The following SLC38A10 variants were observed in gnomAD, a reference collection of about 807,000 sequenced individuals.
SLC38A10 encodes solute carrier family 38 member 10.
A neutral mutation model predicts 81.0 loss-of-function variants in SLC38A10; 53 were observed. The ratio of observed to expected loss-of-function variants is 0.65; its 90% confidence interval spans 0.53 to 0.82. The LOEUF (loss-of-function observed/expected upper bound fraction) is 0.82. SLC38A10 is among the 40% of genes least tolerant of loss of function. The probability of loss-of-function intolerance (pLI) is 0.00; values close to 1 mark genes in which losing one functional copy is unlikely to be tolerated. For synonymous variants in SLC38A10, 665 were observed against 655.3 expected (o/e 1.01, Z -0.23); for missense variants, 1,471 against 1,545.0 (o/e 0.95, Z 0.80).
rs2063337973 is a variant in SLC38A10, at chr17:81,295,061, C to T, written c.-140G>A. The T allele has an allele frequency of 1.5e-6, 2 of 1,304,844 alleles. No individual in the cohort carries two copies. The highest frequency in any genetic ancestry group is 2.0e-6 in the Non-Finnish European group (2 of 1,022,988). The allele number at this position is 1,304,844 out of a possible 1,614,324, so 80.8% of individuals were successfully genotyped here. On this transcript the variant is annotated 5_prime_UTR_variant, in exon 1 of 16. In the 5' UTR this introduces an upstream ATG that the reference lacks. Transcript: ENST00000374759. ...GGGGAGGGGATGGGCAGCCTGAACA[C>T]GGGAGCCTGAGCAGGCGCGGGCGCG...
Position 81,244,994 on chromosome 17 carries a change from C to T in SLC38A10, c.*562G>A, listed in dbSNP as rs562656862. 1.9e-5 allele frequency: 3 copies of T among 158,702 alleles called. No homozygotes were observed. The highest frequency in any genetic ancestry group is 1.8e-4 in the East Asian group (1 of 5,666). The allele number at this position is 158,702 out of a possible 1,614,324, so 9.8% of individuals were successfully genotyped here. Reference sequence around the variant, plus strand: ...TTCCTGGACACCAAACAGCATCCACCGAGGCTGGGTGAAGGCAAAAGTGTT... The same window carrying T: ...TTCCTGGACACCAAACAGCATCCACTGAGGCTGGGTGAAGGCAAAAGTGTT... On this transcript the variant is annotated 3_prime_UTR_variant, in exon 16 of 16. Coordinates refer to ENST00000374759, the MANE Select transcript of SLC38A10 (RefSeq NM_001037984.3).
In SLC38A10 at chr17:81,288,331, G is replaced by C. The variant is rs1381714600; in HGVS notation, c.217+1360C>G. ...GCGGGAGCTGTGAGCCCGGGGGGCAGGATGGCCTTCTGCAGGGAGGACCTA... is the reference window on the plus strand; with the variant it reads ...GCGGGAGCTGTGAGCCCGGGGGGCACGATGGCCTTCTGCAGGGAGGACCTA... On this transcript the variant is annotated intron_variant, in intron 2 of 15. Transcript: ENST00000374759. The surrounding 1 kb of genome is among the most constrained non-coding windows in gnomAD (Gnocchi z 5.4). Among the ~76,000 whole-genome samples the C allele has an allele frequency of 6.6e-6, 1 of 152,248 alleles. No individual in the cohort carries two copies. The highest frequency in any genetic ancestry group is 2.4e-5 in the African/African-American group (1 of 41,462).
chr17:81,293,757 C>T (rs61427278), intron 1 of SLC38A10, among the ~76,000 whole-genome samples: 12,069 of 152,234 alleles, frequency 0.079, 657 homozygotes, highest in African/African-American at 0.13. Flanking sequence ...CTAAGCTAAT[C>T]TAAAATTAAA....
Position 81,254,779 on chromosome 17 carries a change from G to A in SLC38A10, c.1289-1539C>T, listed in dbSNP as rs146652584. ...CAATTCTATAAGCGTATGGCCACCC[G>A]CCTGAGCAGGTGAAAACATACTGGT... is the stretch of plus-strand genomic sequence containing the variant. On this transcript the variant is annotated intron_variant, in intron 11 of 15. Transcript: ENST00000374759. Among the ~76,000 whole-genome samples the A allele has an allele frequency of 7.3e-3, 1,113 of 152,334 alleles. 24 individuals are homozygous for A. Among genetic ancestry groups the A allele is most frequent in the African/African-American group, 0.026 (1,064 of 41,566 alleles).
In SLC38A10 at chr17:81,277,537, C is replaced by T. The variant is rs1023065452; in HGVS notation, c.627-404G>A. Among the ~76,000 whole-genome samples the T allele has an allele frequency of 2.6e-5, 4 of 152,108 alleles. No individual in the cohort carries two copies. Among genetic ancestry groups the T allele is most frequent in the Non-Finnish European group, 5.9e-5 (4 of 67,982 alleles). ...CCTGGCCTGGGCGGCCGGCCCATCT[C>T]GGCGCCTCCATCTCGGCGCCTCCGC... On this transcript the variant is annotated intron_variant, in intron 6 of 15. Transcript: ENST00000374759. This position sits in a 1 kb window ranked among gnomAD's most constrained non-coding sequence, Gnocchi z 4.5.
Position 81,253,228 on chromosome 17 carries a change from AC to A in SLC38A10, c.1300del (p.Val434LeufsTer75). On this transcript the variant is annotated frameshift_variant, in exon 12 of 16. Transcript: ENST00000374759. LOFTEE classifies it high-confidence loss of function. The surrounding 1 kb of genome is among the most constrained non-coding windows in gnomAD (Gnocchi z 4.1). ...CCGGCCATCCTCAGCCACGGCCACA[AC>A]CGGATCCTGGGCTGGGAGCAGGGCA... is the stretch of plus-strand genomic sequence containing the variant. ...EAARLSAQDP[V>X]VAVAEDGREK... 1 of 1,613,532 alleles carries A rather than the reference AC, an allele frequency of 6.2e-7. No individual in the cohort carries two copies. The highest frequency in any genetic ancestry group is 1.1e-5 in the South Asian group (1 of 91,070).
intron 1 of SLC38A10, among the ~76,000 whole-genome samples, chr17:81,292,214 A>C (rs553243030): frequency 5.9e-4 from 90 of 151,762 alleles, no homozygotes; most frequent in African/African-American, 2.0e-3. Context: ...TGCAAGCTCC[A>C]CTCCCGGGTT....
In SLC38A10 at chr17:81,283,617, C is replaced by CTTT; in HGVS notation, c.264-118_264-116dup. 1.3e-4 allele frequency: 68 copies of CTTT among 517,388 alleles called. No individual in the cohort carries two copies. Among genetic ancestry groups the CTTT allele is most frequent in the Non-Finnish European group, 1.4e-4 (43 of 301,102 alleles). The allele number at this position is 517,388 out of a possible 1,614,324, so 32.0% of individuals were successfully genotyped here. On this transcript the variant is annotated intron_variant, in intron 3 of 15. Transcript: ENST00000374759. The surrounding 1 kb of genome is among the most constrained non-coding windows in gnomAD (Gnocchi z 4.7). ...GAATGACAGATGTGATTTCTTTTTT[C>CTTT]TTTTTTTTTTTTTTGAAACAGAGTC... is the stretch of plus-strand genomic sequence containing the variant.
intron 14 of SLC38A10, 98 bp downstream of exon 14, chr17:81,251,395 A>G (rs1286765393): frequency 6.2e-7 from 1 of 1,611,942 alleles, no homozygotes; most frequent in Admixed American, 1.7e-5. Flanking sequence ...GGGGCCTGGC[A>G]GGGCTCCCGA....
intron 14 of SLC38A10, 41 bp from the exon 15 acceptor site, chr17:81,247,102 C>T (rs935496053): frequency 1.3e-6 from 2 of 1,543,168 alleles, no homozygotes; most frequent in Non-Finnish European, 1.7e-6. Context: ...CCGGGCTGCT[C>T]ATGCACCGTG....
At chr17:81,282,369 G>C (rs754932725) in intron 4 of SLC38A10, 37 bp from the exon 5 acceptor site, 4 of 1,576,804 alleles carry the variant, frequency 2.5e-6, no homozygotes, top group East Asian at 2.3e-5. Context: ...GCCACAGCCC[G>C]TGCCTGCTCA....
chr17:81,245,029 C>CT lies in SLC38A10; in HGVS notation c.*526dup, dbSNP rs1466862509. On this transcript the variant is annotated 3_prime_UTR_variant, in exon 16 of 16. Transcript: ENST00000374759. The stretch of plus-strand genomic sequence containing the variant: ...TGAAGGCAAAAGTGTTTATTCAAGA[C>CT]TTTCTACCACACTGTGGGAAGCATC... 1 of 156,388 alleles carries CT rather than the reference C, an allele frequency of 6.4e-6. No homozygotes were observed. The highest frequency in any genetic ancestry group is 6.5e-5 in the Admixed American group (1 of 15,382). The allele number at this position is 156,388 out of a possible 1,614,324, so 9.7% of individuals were successfully genotyped here. A position where few individuals can be genotyped will look rare whatever the true frequency, so the allele number is the denominator to read the frequency against.
At chr17:81,251,796 C>T in intron 13 of SLC38A10, 184 bp from the exon 14 acceptor site, 1 of 645,762 alleles carries the variant, frequency 1.5e-6, no homozygotes, top group Non-Finnish European at 2.4e-6. Context: ...AAATATTTAA[C>T]AACCTCATAG....
In SLC38A10 at chr17:81,283,561, C is replaced by T; in HGVS notation, c.264-59G>A. Reference sequence around the variant, plus strand: ...CAGGGCAAGCTGGCACACACCTGGGCTGCCGCCAGGGACTACCCCAAGGCT... The same window carrying T: ...CAGGGCAAGCTGGCACACACCTGGGTTGCCGCCAGGGACTACCCCAAGGCT... On this transcript the variant is annotated intron_variant, in intron 3 of 15. Coordinates refer to ENST00000374759, the MANE Select transcript of SLC38A10 (RefSeq NM_001037984.3). The surrounding 1 kb of genome is among the most constrained non-coding windows in gnomAD (Gnocchi z 4.7). The T allele has an allele frequency of 7.3e-7, 1 of 1,367,110 alleles. No homozygotes were observed. Among genetic ancestry groups the T allele is most frequent in the Non-Finnish European group, 1.0e-6 (1 of 973,856 alleles). The allele number at this position is 1,367,110 out of a possible 1,614,324, so 84.7% of individuals were successfully genotyped here.
At chr17:81,251,373 G>A in intron 14 of SLC38A10, 120 bp downstream of exon 14, 1 of 1,612,686 alleles carries the variant, frequency 6.2e-7, no homozygotes, top group Non-Finnish European at 8.5e-7. Flanking sequence ...GCAGGCGGCT[G>A]GAAAGAGAAG....
rs576496582 is a variant in SLC38A10, at chr17:81,270,462, G to A, written c.1131+456C>T. On this transcript the variant is annotated intron_variant, in intron 10 of 15. Coordinates refer to ENST00000374759, the MANE Select transcript of SLC38A10 (RefSeq NM_001037984.3). This position sits in a 1 kb window ranked among gnomAD's most constrained non-coding sequence, Gnocchi z 4.0. The stretch of plus-strand genomic sequence containing the variant: ...GCTGTGGAGCAACCTGACCTGCACA[G>A]GGTTTTGAGCAAAAGCAGCAGGAAG... Among the ~76,000 whole-genome samples the A allele has an allele frequency of 6.6e-6, 1 of 152,194 alleles. No homozygotes were observed. Among genetic ancestry groups the A allele is most frequent in the African/African-American group, 2.4e-5 (1 of 41,442 alleles).
At chr17:81,249,438 G>GCAA in intron 14 of SLC38A10, among the ~76,000 whole-genome samples, 2 of 137,604 alleles carry the variant, frequency 1.5e-5, no homozygotes, top group African/African-American at 5.2e-5. Context: ...AAGGAGGGAG[G>GCAA]GAGAAGGAGG....
Position 81,253,334 on chromosome 17 carries a change from T to G in SLC38A10, c.1289-94A>C. On this transcript the variant is annotated intron_variant, in intron 11 of 15. Coordinates refer to ENST00000374759, the MANE Select transcript of SLC38A10 (RefSeq NM_001037984.3). This position sits in a 1 kb window ranked among gnomAD's most constrained non-coding sequence, Gnocchi z 4.1. ...ACTGTTACCATATTTTCCAGCCAAA[T>G]GGCAGAGTCAAAGCAGTTTCTTTTT... The G allele has an allele frequency of 6.9e-7, 1 of 1,452,490 alleles. No homozygotes were observed. The highest frequency in any genetic ancestry group is 9.3e-7 in the Non-Finnish European group (1 of 1,079,946). 90.0% of individuals were successfully genotyped at this position (1,452,490 alleles called of 1,614,324 possible).
At position 81,246,103 on chromosome 17, in the gene SLC38A10, G is replaced by A. The variant is rs371531250; in HGVS notation, c.2813C>T (p.Ala938Val). ...PKQVSRDLGL[A>V]ADLPGGAEGA... ...TTCCGCCCCACCGGGCAGGTCCGCT[G>A]CAAGGCCCAGGTCTCGGCTCACTTG... Residue 938 changes from alanine to valine, a missense_variant, in exon 16 of 16, where the codon GCA becomes GTA. Physicochemically the swap from Ala to Val is moderately conservative, Grantham distance 64. Transcript: ENST00000374759. 1 of 1,608,636 alleles carries A rather than the reference G, an allele frequency of 6.2e-7. No individual in the cohort carries two copies. The highest frequency in any genetic ancestry group is 1.7e-5 in the Admixed American group (1 of 59,944).
Sources: allele counts gnomAD v4.1 joint callset (sites outside exome capture counted in the v4.1 genomes callset), GRCh38; gene constraint gnomAD v4.1.1; non-coding constraint Gnocchi (gnomAD v3.1); transcripts MANE v1.5; gene names NCBI Gene and HGNC (gene_info 2026-07-23, HGNC 2026-07-21).